ATP8A2: variants seen among roughly 807,000 people sequenced by gnomAD.
ATP8A2 encodes the protein phospholipid-transporting ATPase IB.
ATP8A2 carries 100 observed loss-of-function variants against 165.6 expected under a neutral mutation model. That is an observed-to-expected ratio of 0.60 (90% CI 0.51 to 0.71). The LOEUF is 0.71. Among genes scored for constraint, ATP8A2 ranks in the 30% least tolerant of loss-of-function variants. The probability of loss-of-function intolerance (pLI) is 0.00; values close to 1 mark genes in which losing one functional copy is unlikely to be tolerated. For missense variants in ATP8A2, 1,227 were observed against 1,479.5 expected (o/e 0.83, Z 2.80); for synonymous variants, 543 against 548.8 (o/e 0.99, Z 0.15).
intron 2 of ATP8A2, among the ~76,000 whole-genome samples, chr13:25,472,411 A>T (rs968740977): frequency 7.1e-6 from 1 of 141,812 alleles, no homozygotes; most frequent in East Asian, 1.9e-4. Flanking sequence ...AAAAAAAAAA[A>T]TTGATTATAA....
Position 25,797,462 on chromosome 13 carries a change from T to C in ATP8A2, c.2679+22503T>C, listed in dbSNP as rs557284771. Among the ~76,000 whole-genome samples the C allele has an allele frequency of 4.6e-5, 7 of 152,204 alleles. 1 individual carries two copies. The highest frequency in any genetic ancestry group is 2.6e-4 in the Admixed American group (4 of 15,280). On this transcript the variant is annotated intron_variant, in intron 27 of 36. Coordinates refer to ENST00000381655, the MANE Select transcript of ATP8A2 (RefSeq NM_016529.6). ...AAAAATTTAAAATTTTATTAAAAAA[T>C]AAAATAATAATTTACATTTTGGTAA... is the stretch of plus-strand genomic sequence containing the variant.
At chr13:25,543,630 G>T (rs1056949555) in intron 10 of ATP8A2, among the ~76,000 whole-genome samples, 2 of 152,074 alleles carry the variant, frequency 1.3e-5, no homozygotes, top group African/African-American at 4.8e-5. Context: ...TTGTTTTCTG[G>T]ATTAGGGGAA....
chr13:25,851,239 G>A (rs9511947), intron 30 of ATP8A2, among the ~76,000 whole-genome samples: 20,267 of 152,194 alleles, frequency 0.13, 1,606 homozygotes, highest in Non-Finnish European at 0.18. Context: ...TTGTGTGTTA[G>A]CATTTTATTG....
chr13:25,986,451 C>A (rs1416053310), intron 35 of ATP8A2, among the ~76,000 whole-genome samples: 2 of 152,206 alleles, frequency 1.3e-5, no homozygotes, highest in Non-Finnish European at 2.9e-5. Context: ...CAAGTCAGAT[C>A]ATGCAGTGTT....
chr13:25,536,950 C>T (rs1459148683), intron 6 of ATP8A2, among the ~76,000 whole-genome samples: 1 of 152,190 alleles, frequency 6.6e-6, no homozygotes, highest in East Asian at 1.9e-4. Context: ...CGCTGGGGCG[C>T]TGGGAGGTGA....
intron 27 of ATP8A2, among the ~76,000 whole-genome samples, chr13:25,823,386 T>C (rs1490811071): frequency 1.3e-5 from 2 of 152,200 alleles, no homozygotes; most frequent in East Asian, 1.9e-4. Flanking sequence ...ATGTAGCATA[T>C]ATTTTGGATT....
chr13:25,797,711 A>C (rs934084829), intron 27 of ATP8A2, among the ~76,000 whole-genome samples: 1 of 152,190 alleles, frequency 6.6e-6, no homozygotes, highest in African/African-American at 2.4e-5. Flanking sequence ...TGTTCATTTA[A>C]TGGGATGACT....
At chr13:25,489,327 A>G (rs2036449444) in intron 2 of ATP8A2, among the ~76,000 whole-genome samples, 1 of 152,020 alleles carries the variant, frequency 6.6e-6, no homozygotes, top group African/African-American at 2.4e-5. Flanking sequence ...ACTGTCTCCT[A>G]ATCTACTCAA....
chr13:25,733,949 A>ATT (rs752062257), intron 25 of ATP8A2, among the ~76,000 whole-genome samples: 30 of 152,030 alleles, frequency 2.0e-4, no homozygotes, highest in Non-Finnish European at 8.8e-5. Flanking sequence ...TTTCCTTTTG[A>ATT]TTTTTGTTCG....
intron 1 of ATP8A2, among the ~76,000 whole-genome samples, chr13:25,413,919 G>C (rs961347530): frequency 1.7e-4 from 26 of 151,782 alleles, no homozygotes; most frequent in African/African-American, 5.6e-4. Flanking sequence ...TCCATGGATT[G>C]ACTGAAAATC....
At chr13:25,816,762 C>T (rs1951032593) in intron 27 of ATP8A2, among the ~76,000 whole-genome samples, 1 of 152,110 alleles carries the variant, frequency 6.6e-6, no homozygotes, top group Non-Finnish European at 1.5e-5. Context: ...GGAGAGTAGA[C>T]AGACCTTTCG....
chr13:25,711,746 C>A (rs902251843), intron 25 of ATP8A2, among the ~76,000 whole-genome samples: 7 of 152,092 alleles, frequency 4.6e-5, no homozygotes, highest in Admixed American at 3.9e-4. Flanking sequence ...TTTCCAGATT[C>A]TCTGGAATGG....
intron 23 of ATP8A2, among the ~76,000 whole-genome samples, chr13:25,585,633 T>A (rs1198200555): frequency 3.9e-5 from 6 of 152,216 alleles, no homozygotes; most frequent in Admixed American, 2.6e-4. Context: ...GTAAACAATA[T>A]GATGTTATGA....
At chr13:25,937,362 C>CTTTCTTTTTTTTTTTCTTTTTTTTTT in intron 33 of ATP8A2, among the ~76,000 whole-genome samples, 3 of 38,798 alleles carry the variant, frequency 7.7e-5, no homozygotes, top group African/African-American at 2.0e-4. Context: ...TTCTTTCTTT[C>CTTTCTTTTTTTTTTTCTTTTTTTTTT]TTTTTTTTTT....
At chr13:25,679,944 G>T (rs1387842922) in intron 24 of ATP8A2, among the ~76,000 whole-genome samples, 1 of 152,128 alleles carries the variant, frequency 6.6e-6, no homozygotes, top group Non-Finnish European at 1.5e-5. Context: ...TGGAGAGGTG[G>T]GTTAAGCTGA....
intron 33 of ATP8A2, among the ~76,000 whole-genome samples, chr13:25,949,493 C>T (rs1955293758): frequency 6.6e-6 from 1 of 152,234 alleles, no homozygotes; most frequent in Non-Finnish European, 1.5e-5. Context: ...CCTCTCTTGG[C>T]TTTCTATGTA....
intron 30 of ATP8A2, among the ~76,000 whole-genome samples, chr13:25,852,869 A>G (rs1055928770): frequency 6.6e-6 from 1 of 151,872 alleles, no homozygotes; most frequent in Non-Finnish European, 1.5e-5. Flanking sequence ...ATGCTATTGC[A>G]CTACAGCCTG....
intron 2 of ATP8A2, among the ~76,000 whole-genome samples, chr13:25,508,891 G>A (rs1322973174): frequency 6.6e-6 from 1 of 152,180 alleles, no homozygotes; most frequent in Non-Finnish European, 1.5e-5. Flanking sequence ...AGAACACAGT[G>A]TCTTTTCACC....
chr13:25,740,879 C>T (rs975163959), intron 25 of ATP8A2, among the ~76,000 whole-genome samples: 2 of 152,054 alleles, frequency 1.3e-5, no homozygotes, highest in Non-Finnish European at 2.9e-5. Flanking sequence ...AGACCTTTAG[C>T]GTGTTATCTC....
Sources: gnomAD v4.1 joint callset for allele counts (sites outside exome capture counted in the v4.1 genomes callset) on GRCh38, gnomAD v4.1.1 for gene constraint, MANE v1.5 for transcripts, NCBI Gene and HGNC (gene_info 2026-07-23, HGNC 2026-07-21) for gene names.